Variants in ADAM12 observed in about 807,000 individuals in gnomAD.
ADAM12 encodes ADAM metallopeptidase domain 12, also known as disintegrin and metalloproteinase domain-containing protein 12.
A neutral mutation model predicts 106.4 loss-of-function variants in ADAM12; 70 were observed. The observed-to-expected ratio is 0.66, with a 90% CI of 0.54 to 0.80. The LOEUF is 0.80. ADAM12 is among the 30% of genes least tolerant of loss of function. The pLI is 0.00. For synonymous variants in ADAM12, 420 were observed against 433.5 expected, an observed-to-expected ratio of 0.97 and a Z score of 0.39; for missense variants, 1,010 against 1,171.9, an observed-to-expected ratio of 0.86 and a Z score of 2.02.
Position 126,303,533 on chromosome 10 carries a change from T to A in ADAM12, c.187-24545A>T, listed in dbSNP as rs746106709. 1.1e-3 allele frequency among the ~76,000 whole-genome samples: 172 copies of A among 152,242 alleles called. 2 individuals carry two copies. The highest frequency in any genetic ancestry group is 0.01 in the Middle Eastern group (3 of 294). On this transcript the variant is annotated intron_variant, in intron 2 of 22. Transcript: ENST00000448723. Reference sequence around the variant, plus strand: ...GATTCACACAGAGCATTCAGGGCAATTAAGAAAATCACCCTATTCCTGGCT... The same window carrying A: ...GATTCACACAGAGCATTCAGGGCAAATAAGAAAATCACCCTATTCCTGGCT...
chr10:126,022,331 C>T (rs2133376839), intron 21 of ADAM12, among the ~76,000 whole-genome samples: 1 of 152,282 alleles, frequency 6.6e-6, no homozygotes, highest in Non-Finnish European at 1.5e-5. Flanking sequence ...TGACCTCCAA[C>T]CTGGGGATCA....
chr10:126,196,658 C>T (rs1957602082), intron 3 of ADAM12, among the ~76,000 whole-genome samples: 1 of 152,158 alleles, frequency 6.6e-6, no homozygotes, highest in Admixed American at 6.5e-5. Flanking sequence ...AATAACTCAT[C>T]CACTCAAATA....
rs78622571 is a variant in ADAM12, at chr10:126,031,525, C to G, written c.2529+4621G>C. ...TGCTCACATCTGCATCCTGACCAGG[C>G]ATTTGAAGGAGTAGCTGCTGTTTAC... is the stretch of plus-strand genomic sequence containing the variant. On this transcript the variant is annotated intron_variant, in intron 21 of 22. Transcript: ENST00000448723. 1.8e-4 allele frequency among the ~76,000 whole-genome samples: 27 copies of G among 152,342 alleles called. No individual in the cohort carries two copies. The East Asian group carries it at 3.3e-3, about 19-fold the overall frequency.
chr10:126,285,505 T>C (rs560279849), intron 2 of ADAM12, among the ~76,000 whole-genome samples: 18 of 152,336 alleles, frequency 1.2e-4, no homozygotes, highest in Admixed American at 5.9e-4. Flanking sequence ...CAGTTTATTA[T>C]AGAATTTTTC....
intron 3 of ADAM12, among the ~76,000 whole-genome samples, chr10:126,188,373 G>T (rs1214662510): frequency 6.6e-6 from 1 of 152,174 alleles, no homozygotes; most frequent in Non-Finnish European, 1.5e-5. Flanking sequence ...ACTCAGTGTG[G>T]TCTCATTCTG....
chr10:126,037,523 A>G lies in ADAM12; in HGVS notation c.2349+718T>C, dbSNP rs567053527. 4.2e-4 allele frequency among the ~76,000 whole-genome samples: 64 copies of G among 151,850 alleles called. 1 individual carries two copies. In the South Asian group the frequency reaches 0.012, roughly 30 times the overall value. The stretch of plus-strand genomic sequence containing the variant: ...TGCAGCAATGATTTTTCAATCACTT[A>G]TTTTTTTTGACACCAATCTTGTTCA... On this transcript the variant is annotated intron_variant, in intron 20 of 22. Transcript: ENST00000448723.
chr10:126,159,307 C>CAAAAAAAAAAAAAAAAAA (rs3069557), intron 3 of ADAM12, among the ~76,000 whole-genome samples: 1 of 80,630 alleles, frequency 1.2e-5, no homozygotes, highest in Non-Finnish European at 2.2e-5. Flanking sequence ...GAGACTCCAT[C>CAAAAAAAAAAAAAAAAAA]AAAAAAAAAA....
chr10:126,038,957 T>C (rs1359682535), intron 19 of ADAM12, among the ~76,000 whole-genome samples: 3 of 122,986 alleles, frequency 2.4e-5, no homozygotes, highest in Non-Finnish European at 3.5e-5. Flanking sequence ...CATTTCTTTT[T>C]TTTTTTTTTT....
chr10:126,244,448 T>G (rs1027535233), intron 3 of ADAM12, among the ~76,000 whole-genome samples: 1 of 144,346 alleles, frequency 6.9e-6, no homozygotes, highest in Non-Finnish European at 1.5e-5. Context: ...ATGAGAAATG[T>G]GAGAATGGGG....
chr10:126,118,750 C>T (rs1956033601), intron 5 of ADAM12, among the ~76,000 whole-genome samples: 1 of 152,110 alleles, frequency 6.6e-6, no homozygotes, highest in Non-Finnish European at 1.5e-5. Context: ...TTCTTTCATC[C>T]CTCTCCCGCC....
In ADAM12 at chr10:126,014,426, GCCCC is replaced by G. The variant is rs5788757; in HGVS notation, c.*2849_*2852del. 2 of 141,340 alleles carry G rather than the reference GCCCC, an allele frequency of 1.4e-5. No individual in the cohort carries two copies. The allele number at this position is 141,340 out of a possible 1,614,324, so 8.8% of individuals were successfully genotyped here. A position where few individuals can be genotyped will look rare whatever the true frequency, so the allele number is the denominator to read the frequency against. On this transcript the variant is annotated 3_prime_UTR_variant, in exon 23 of 23. Transcript: ENST00000448723. The stretch of plus-strand genomic sequence containing the variant: ...CATAAAGTTAAGAAGGCATAAAAAT[GCCCC>G]CCCCCCGAGACTCGTCAGGAGTATT...
intron 4 of ADAM12, among the ~76,000 whole-genome samples, chr10:126,137,822 T>G (rs1011389995): frequency 6.6e-6 from 1 of 152,252 alleles, no homozygotes; most frequent in Non-Finnish European, 1.5e-5. Flanking sequence ...TTGACTATTA[T>G]GAGTAACGTT....
At chr10:126,257,811 G>A (rs570094486) in intron 3 of ADAM12, among the ~76,000 whole-genome samples, 3 of 152,142 alleles carry the variant, frequency 2.0e-5, no homozygotes, top group Non-Finnish European at 4.4e-5. Context: ...CCTTGCCAAG[G>A]GCTCAGGAAA....
chr10:126,144,985 C>G (rs1956598979), intron 4 of ADAM12, among the ~76,000 whole-genome samples: 1 of 152,210 alleles, frequency 6.6e-6, no homozygotes, highest in Non-Finnish European at 1.5e-5. Context: ...GACAGAAGGT[C>G]TATCTTACAG....
chr10:126,275,675 T>C (rs1959223058), intron 3 of ADAM12, among the ~76,000 whole-genome samples: 1 of 152,210 alleles, frequency 6.6e-6, no homozygotes, highest in African/African-American at 2.4e-5. Context: ...AGATATTTTT[T>C]GCTCTTTAAA....
intron 2 of ADAM12, among the ~76,000 whole-genome samples, chr10:126,320,221 T>G (rs1047324098): frequency 1.3e-5 from 2 of 152,220 alleles, no homozygotes. Context: ...AAAACACTAG[T>G]GTGCACCACC....
intron 2 of ADAM12, among the ~76,000 whole-genome samples, chr10:126,323,476 C>T (rs944699434): frequency 6.6e-6 from 1 of 152,076 alleles, no homozygotes; most frequent in African/African-American, 2.4e-5. Context: ...CCCAGAGTTG[C>T]CAAAAGGAGG....
chr10:126,147,474 T>A (rs1036815416), intron 4 of ADAM12, among the ~76,000 whole-genome samples: 1 of 152,130 alleles, frequency 6.6e-6, no homozygotes, highest in Non-Finnish European at 1.5e-5. Context: ...CTCCTAATGT[T>A]CCCCTATCAC....
chr10:126,030,607 G>C (rs12413704), intron 21 of ADAM12, among the ~76,000 whole-genome samples: 3,288 of 152,282 alleles, frequency 0.022, 103 homozygotes, highest in East Asian at 0.11. Flanking sequence ...ATACCCCTTT[G>C]AACCCTGTAA....
Sources: allele counts gnomAD v4.1 joint callset (sites outside exome capture counted in the v4.1 genomes callset), GRCh38; gene constraint gnomAD v4.1.1; transcripts MANE v1.5; gene names NCBI Gene and HGNC (gene_info 2026-07-23, HGNC 2026-07-21).